EXPH5: variants seen among roughly 807,000 people sequenced by gnomAD.
The protein encoded by EXPH5 is exophilin 5.
Under a neutral mutation model 41.1 loss-of-function variants are expected in EXPH5, and 42 were observed. The observed-to-expected ratio is 1.02, with a 90% CI of 0.80 to 1.32. The LOEUF (loss-of-function observed/expected upper bound fraction) is 1.32, where lower values mean the gene tolerates loss of function less well. EXPH5 is among the 40% of genes most tolerant of loss of function. The pLI is 0.00. For missense variants in EXPH5, 2,298 were observed against 2,314.5 expected, an observed-to-expected ratio of 0.99 and a Z score of 0.15; for synonymous variants, 798 against 833.5, an observed-to-expected ratio of 0.96 and a Z score of 0.73.
intron 1 of EXPH5, among the ~76,000 whole-genome samples, chr11:108,592,568 G>A (rs2094129890): frequency 3.9e-5 from 6 of 152,210 alleles, no homozygotes; most frequent in Non-Finnish European, 1.5e-5. Flanking sequence ...TCCAATATTG[G>A]CGAGAGAGTC....
At chr11:108,545,226 C>A (rs1275184367) in intron 1 of EXPH5, among the ~76,000 whole-genome samples, 1 of 152,146 alleles carries the variant, frequency 6.6e-6, no homozygotes, top group Non-Finnish European at 1.5e-5. Context: ...CCAACCTGGG[C>A]AACATGGTGA....
chr11:108,605,662 G>C, the EXPH5 span, among the ~76,000 whole-genome samples: 1 of 152,220 alleles, frequency 6.6e-6, no homozygotes, highest in Admixed American at 6.5e-5. Flanking sequence ...GAGAACCTAG[G>C]TTGTGGGATA....
chr11:108,579,214 T>A (rs79170214), intron 1 of EXPH5, among the ~76,000 whole-genome samples: 1 of 145,688 alleles, frequency 6.9e-6, no homozygotes, highest in East Asian at 2.0e-4. Context: ...TTTTTTTTTT[T>A]ATCATGAAGA....
At chr11:108,593,290 C>T (rs1453204415) in intron 1 of EXPH5, 128 bp downstream of exon 1, 11 of 781,424 alleles carry the variant, frequency 1.4e-5, no homozygotes, top group Non-Finnish European at 2.1e-5. Flanking sequence ...TCCCGACCCG[C>T]AGCCTCCGCA....
At position 108,538,062 on chromosome 11, in the gene EXPH5, G is replaced by A. The variant is rs78249165; in HGVS notation, c.443+962C>T. The stretch of plus-strand genomic sequence containing the variant: ...TCTTTCATCAGACAAAAACAGCCTC[G>A]GGTGAAAGCTGGAAGTGAAAAACCC... On this transcript the variant is annotated intron_variant, in intron 3 of 5. Coordinates refer to ENST00000265843, the MANE Select transcript of EXPH5 (RefSeq NM_015065.3). The A allele has an allele frequency of 6.8e-4, 666 of 985,298 alleles. 3 individuals carry two copies. In the East Asian group the frequency reaches 0.017, roughly 26 times the overall value. The allele number at this position is 985,298 out of a possible 1,614,324, so 61.0% of individuals were successfully genotyped here. A position where few individuals can be genotyped will look rare whatever the true frequency, so the allele number is the denominator to read the frequency against.
intron 1 of EXPH5, among the ~76,000 whole-genome samples, chr11:108,579,602 C>T (rs927127751): frequency 1.3e-5 from 2 of 151,742 alleles, no homozygotes; most frequent in East Asian, 1.9e-4. Flanking sequence ...AGTGCTTTCA[C>T]CCTGTCTCTC....
intron 1 of EXPH5, among the ~76,000 whole-genome samples, chr11:108,577,842 T>C (rs1363867937): frequency 6.6e-6 from 1 of 152,254 alleles, no homozygotes; most frequent in Non-Finnish European, 1.5e-5. Context: ...TTGCATGTAT[T>C]TTTTTGAGAA....
At chr11:108,557,358 G>T (rs948098933) in intron 1 of EXPH5, among the ~76,000 whole-genome samples, 2 of 152,122 alleles carry the variant, frequency 1.3e-5, no homozygotes, top group Admixed American at 6.5e-5. Flanking sequence ...AATAAGTGAA[G>T]AAATTTCAAA....
At chr11:108,602,791 G>A in the EXPH5 span, among the ~76,000 whole-genome samples, 1 of 152,140 alleles carries the variant, frequency 6.6e-6, no homozygotes, top group African/African-American at 2.4e-5. Flanking sequence ...AATACTTACT[G>A]CAAATACTAT....
intron 3 of EXPH5, among the ~76,000 whole-genome samples, chr11:108,528,695 CTTTTTTT>C (rs58500316): frequency 1.4e-4 from 15 of 106,336 alleles, no homozygotes; most frequent in South Asian, 1.3e-3. Flanking sequence ...TTTTCTTTCC[CTTTTTTT>C]TTTTTTTTTT....
chr11:108,593,818 C>T, upstream of EXPH5: 1 of 1,405,922 alleles, frequency 7.1e-7, no homozygotes, highest in Non-Finnish European at 9.7e-7. Flanking sequence ...GGGGCGGGCC[C>T]TCCCTTGTCC....
rs1188277966 is a variant in EXPH5, at chr11:108,510,204, C to G, written c.5303G>C (p.Ser1768Thr). 1 of 1,613,856 alleles carries G rather than the reference C, an allele frequency of 6.2e-7. No individual in the cohort carries two copies. The highest frequency in any genetic ancestry group is 8.5e-7 in the Non-Finnish European group (1 of 1,179,992). Reference protein sequence around the residue: ...LEPAQKSRVSSPLASFLQQQR... With the variant: ...LEPAQKSRVSTPLASFLQQQR... ...TTGCTGCAGAAAACTGGCCAGTGGA[C>G]TGCTTACTCTAGATTTCTGTGCAGG... Residue 1768 changes from serine to threonine, a missense_variant, in exon 6 of 6, where the codon AGT (serine) becomes ACT (threonine). Physicochemically the swap from Ser to Thr is moderately conservative, Grantham distance 58 (BLOSUM62 1). Transcript: ENST00000265843.
chr11:108,546,083 C>CTTTCCAGGCAGGGG (rs2136044331), intron 1 of EXPH5, among the ~76,000 whole-genome samples: 2 of 151,914 alleles, frequency 1.3e-5, no homozygotes, highest in South Asian at 4.2e-4. Flanking sequence ...AGAGGGGTAG[C>CTTTCCAGGCAGGGG]CTCTGTAGAG....
At chr11:108,580,323 C>A (rs2094094046) in intron 1 of EXPH5, among the ~76,000 whole-genome samples, 1 of 151,960 alleles carries the variant, frequency 6.6e-6, no homozygotes, top group Admixed American at 6.6e-5. Context: ...CACTAATCAT[C>A]AGGGAAATGC....
chr11:108,563,952 C>T (rs1373231970), intron 1 of EXPH5, among the ~76,000 whole-genome samples: 1 of 152,120 alleles, frequency 6.6e-6, no homozygotes, highest in African/African-American at 2.4e-5. Flanking sequence ...AGTCAAGGGA[C>T]TGCCTTTGTT....
chr11:108,527,713 A>G (rs567966041), intron 4 of EXPH5, among the ~76,000 whole-genome samples: 75 of 152,332 alleles, frequency 4.9e-4, no homozygotes, highest in African/African-American at 1.7e-3. Flanking sequence ...CCTCATGCGA[A>G]CTTTTTCCTG....
chr11:108,537,574 T>C (rs1199034354), intron 3 of EXPH5, among the ~76,000 whole-genome samples: 1 of 152,222 alleles, frequency 6.6e-6, no homozygotes, highest in East Asian at 1.9e-4. Context: ...CTAAACAGAA[T>C]GTTGCAAGAG....
intron 4 of EXPH5, among the ~76,000 whole-genome samples, chr11:108,525,221 A>G (rs2093790620): frequency 2.0e-5 from 3 of 152,192 alleles, no homozygotes; most frequent in Admixed American, 6.5e-5. Context: ...AGTCTTGGGT[A>G]TCTCTTTATC....
At chr11:108,578,493 C>A (rs560499265) in intron 1 of EXPH5, among the ~76,000 whole-genome samples, 1 of 152,188 alleles carries the variant, frequency 6.6e-6, no homozygotes, top group East Asian at 1.9e-4. Context: ...CTCTTTTTTG[C>A]TCAGGATTCA....
Sources: gnomAD v4.1 joint callset for allele counts (sites outside exome capture counted in the v4.1 genomes callset) on GRCh38, gnomAD v4.1.1 for gene constraint, MANE v1.5 for transcripts, NCBI Gene and HGNC (gene_info 2026-07-23, HGNC 2026-07-21) for gene names.